Variants in LPP observed in about 807,000 individuals in gnomAD.
The protein encoded by LPP is lipoma-preferred partner.
Under a neutral mutation model 60.4 loss-of-function variants are expected in LPP, and 38 were observed. The ratio of observed to expected loss-of-function variants is 0.63; its 90% CI spans 0.49 to 0.83. The LOEUF is 0.83. Among genes scored for constraint, LPP ranks in the 40% least tolerant of loss-of-function variants. LPP has a pLI of 0.00. For synonymous variants in LPP, 328 were observed against 290.8 expected (o/e 1.13, Z -1.30); for missense variants, 902 against 783.6 (o/e 1.15, Z -1.80).
At chr3:188,523,807 C>A (rs1819684040) in intron 5 of LPP, among the ~76,000 whole-genome samples, 2 of 152,168 alleles carry the variant, frequency 1.3e-5, no homozygotes, top group South Asian at 4.1e-4. Flanking sequence ...GAGCTTCTTC[C>A]ATATTCATAT....
intron 4 of LPP, among the ~76,000 whole-genome samples, chr3:188,406,611 C>T (rs1578659888): frequency 6.6e-6 from 1 of 152,344 alleles, no homozygotes; most frequent in Non-Finnish European, 1.5e-5. Context: ...TTATCTTCCA[C>T]CTCCAGCTCA....
At chr3:188,514,324 A>G (rs1816685629) in intron 5 of LPP, among the ~76,000 whole-genome samples, 1 of 151,696 alleles carries the variant, frequency 6.6e-6, no homozygotes, top group African/African-American at 2.4e-5. Flanking sequence ...CCACCCAATG[A>G]TAGACTTCCT....
At position 188,295,461 on chromosome 3, in the gene LPP, A is replaced by G. The variant is rs540652125; in HGVS notation, c.-66-46202A>G. Among the ~76,000 whole-genome samples, 7 of 152,336 alleles carry G rather than the reference A, an allele frequency of 4.6e-5. No individual in the cohort carries two copies. In the South Asian group the frequency reaches 6.2e-4, roughly 14 times the overall value. ...AGATTGGGGATGAAGAGTTTTGTTCACATTGAGCAATTAGGCCCTTCGTTG... is the reference window on the plus strand; with the variant it reads ...AGATTGGGGATGAAGAGTTTTGTTCGCATTGAGCAATTAGGCCCTTCGTTG... On this transcript the variant is annotated intron_variant, in intron 2 of 11. Coordinates refer to ENST00000617246, the MANE Select transcript of LPP (RefSeq NM_001375462.1).
rs557951946 is a variant in LPP at position 188,266,436 on chromosome 3, T to C, written c.-67+40909T>C. On this transcript the variant is annotated intron_variant, in intron 2 of 11. Transcript: ENST00000617246. ...CGCTTCCCTTGGATACACAGCAAAC[T>C]GCTCACTACCAAAAGTGGCTGGGGA... Among the ~76,000 whole-genome samples, 18 of 151,236 alleles carry C rather than the reference T, an allele frequency of 1.2e-4. No individual in the cohort carries two copies. The South Asian group carries it at 2.1e-3, about 18-fold the overall frequency.
chr3:188,886,177 G>A lies in LPP; in HGVS notation c.*11698G>A, dbSNP rs1770639304. ...GGGGTGGAGGGAGGAGGGAGGGATA[G>A]CATTAGGAGATATACCTAATGCTAA... On this transcript the variant is annotated 3_prime_UTR_variant, in exon 12 of 12. Transcript: ENST00000617246. The A allele has an allele frequency of 6.6e-6, 1 of 151,812 alleles. No homozygotes were observed. The highest frequency in any genetic ancestry group is 1.5e-5 in the Non-Finnish European group (1 of 68,148). The allele number at this position is 151,812 out of a possible 1,614,324, so 9.4% of individuals were successfully genotyped here.
chr3:188,264,577 G>T (rs1734794675), intron 2 of LPP, among the ~76,000 whole-genome samples: 1 of 152,144 alleles, frequency 6.6e-6, no homozygotes, highest in African/African-American at 2.4e-5. Context: ...TGAGGTAGGG[G>T]AGGGAGGTGG....
chr3:188,385,234 CT>C (rs1369467522), intron 3 of LPP, among the ~76,000 whole-genome samples: 9 of 152,086 alleles, frequency 5.9e-5, no homozygotes, highest in African/African-American at 2.2e-4. Flanking sequence ...CAATGTTTCA[CT>C]TTTTACTTTG....
chr3:188,248,495 T>TATATATATATATATAC (rs1358563921), intron 2 of LPP, among the ~76,000 whole-genome samples: 8 of 138,592 alleles, frequency 5.8e-5, no homozygotes, highest in East Asian at 2.0e-4. Context: ...TATATATATA[T>TATATATATATATATAC]ATACAGTCAG....
At position 188,866,205 on chromosome 3, in the gene LPP, T is replaced by C; in HGVS notation, c.1416T>C (p.Thr472=). The C allele has an allele frequency of 1.3e-6, 2 of 1,505,400 alleles. No individual in the cohort carries two copies. The highest frequency in any genetic ancestry group is 8.9e-7 in the Non-Finnish European group (1 of 1,120,742). The allele number at this position is 1,505,400 out of a possible 1,614,324, so 93.3% of individuals were successfully genotyped here. A position where few individuals can be genotyped will look rare whatever the true frequency, so the allele number is the denominator to read the frequency against. The change falls in exon 10 of 12, where the codon ACT becomes ACC. Residue 472 remains threonine (T), a synonymous_variant. Transcript: ENST00000617246. ...KAYCEPCYIN[T]LEQCNVCSKP... ...GTTTCTGTTTCCTTCCCCAGAATAC[T>C]CTGGAGCAGTGCAATGTGTGTTCCA...
At chr3:188,266,985 G>A (rs561133626) in intron 2 of LPP, among the ~76,000 whole-genome samples, 1 of 152,302 alleles carries the variant, frequency 6.6e-6, no homozygotes, top group African/African-American at 2.4e-5. Flanking sequence ...AGTAACCTCA[G>A]AAGAGTCAGA....
In LPP at chr3:188,888,881, A is replaced by G. The variant is rs1419522261; in HGVS notation, c.*14402A>G. 4.6e-6 allele frequency: 1 copy of G among 219,712 alleles called. No individual in the cohort carries two copies. Among genetic ancestry groups the G allele is most frequent in the Non-Finnish European group, 9.1e-6 (1 of 109,462 alleles). 13.6% of individuals were successfully genotyped at this position (219,712 alleles called of 1,614,324 possible). A position where few individuals can be genotyped will look rare whatever the true frequency, so the allele number is the denominator to read the frequency against. ...TTATATTTATATCCTACTGGATGGTAGCATATTGCTAAGGTTTCCTGTACT... is the reference window on the plus strand; with the variant it reads ...TTATATTTATATCCTACTGGATGGTGGCATATTGCTAAGGTTTCCTGTACT... On this transcript the variant is annotated 3_prime_UTR_variant, in exon 12 of 12. Transcript: ENST00000617246.
chr3:188,584,719 T>C (rs899531893), intron 6 of LPP, among the ~76,000 whole-genome samples: 5 of 152,036 alleles, frequency 3.3e-5, no homozygotes, highest in Non-Finnish European at 7.4e-5. Context: ...TTGTCTCTCT[T>C]TCTTCTTCTT....
chr3:188,721,088 T>A (rs914386524), intron 8 of LPP, among the ~76,000 whole-genome samples: 2 of 152,206 alleles, frequency 1.3e-5, no homozygotes, highest in African/African-American at 4.8e-5. Context: ...TTACCATATA[T>A]GTAAACTATC....
At chr3:188,722,225 A>T (rs1008545687) in intron 8 of LPP, among the ~76,000 whole-genome samples, 3 of 152,212 alleles carry the variant, frequency 2.0e-5, no homozygotes, top group Non-Finnish European at 4.4e-5. Flanking sequence ...AATACCATGC[A>T]CTAAGTGTTG....
chr3:188,486,371 A>G (rs1037557617), intron 5 of LPP, among the ~76,000 whole-genome samples: 1 of 152,196 alleles, frequency 6.6e-6, no homozygotes, highest in Non-Finnish European at 1.5e-5. Flanking sequence ...GTCCTCAGGG[A>G]ACGTAAAAGT....
intron 4 of LPP, among the ~76,000 whole-genome samples, chr3:188,457,295 C>T (rs921360007): frequency 2.6e-5 from 4 of 152,094 alleles, no homozygotes; most frequent in South Asian, 2.1e-4. Context: ...TACAACTTCC[C>T]GTTTTTAAAC....
At chr3:188,416,883 T>C (rs1786434862) in intron 4 of LPP, among the ~76,000 whole-genome samples, 1 of 152,152 alleles carries the variant, frequency 6.6e-6, no homozygotes, top group Admixed American at 6.6e-5. Context: ...ACAGTAGGCC[T>C]ATGTAAATTA....
intron 2 of LPP, among the ~76,000 whole-genome samples, chr3:188,313,275 T>C (rs755840388): frequency 1.3e-5 from 2 of 149,994 alleles, no homozygotes; most frequent in African/African-American, 2.5e-5. Flanking sequence ...CCCATTCCTA[T>C]TAGTTTCTCT....
chr3:188,698,703 C>T (rs12629873), intron 7 of LPP, among the ~76,000 whole-genome samples: 1 of 152,202 alleles, frequency 6.6e-6, no homozygotes, highest in African/African-American at 2.4e-5. Context: ...CTGCCGAAGC[C>T]TAAGGGAGGC....
Sources: allele counts gnomAD v4.1 joint callset (sites outside exome capture counted in the v4.1 genomes callset), GRCh38; gene constraint gnomAD v4.1.1; transcripts MANE v1.5; gene names NCBI Gene and HGNC (gene_info 2026-07-23, HGNC 2026-07-21).